The following SMC2 variants were observed in gnomAD, a reference collection of about 807,000 sequenced individuals.
SMC2 encodes structural maintenance of chromosomes 2, also known as structural maintenance of chromosomes protein 2.
SMC2 carries 41 observed loss-of-function variants against 142.6 expected under a neutral mutation model. The observed-to-expected ratio is 0.29, with a 90% CI of 0.22 to 0.37. The LOEUF is 0.37. Ranked by LOEUF, SMC2 falls within the 10% of genes least tolerant of loss-of-function variation. The probability of loss-of-function intolerance (pLI) is 1.00; values close to 1 mark genes in which losing one functional copy is unlikely to be tolerated. For missense variants in SMC2, 1,265 were observed against 1,373.7 expected (o/e 0.92, Z 1.25); for synonymous variants, 463 against 457.5 (o/e 1.01, Z -0.15).
In SMC2 at chr9:104,126,760, G is replaced by T; in HGVS notation, c.2571G>T (p.Met857Ile). The T allele has an allele frequency of 6.3e-7, 1 of 1,598,768 alleles. No homozygotes were observed. The highest frequency in any genetic ancestry group is 8.5e-7 in the Non-Finnish European group (1 of 1,176,266). Residue 857 changes from methionine to isoleucine, a missense_variant, in exon 19 of 25, where the codon ATG (methionine) becomes ATT (isoleucine). Met to Ile is a conservative substitution (Grantham distance 10). Coordinates refer to ENST00000374793, the MANE Select transcript of SMC2 (RefSeq NM_006444.3). Reference sequence around the variant, plus strand: ...CCTATGAAAGTCAGATTGAAGTAATGGCAGCTGAGGTGGCTAAAAATAAGG... The same window carrying T: ...CCTATGAAAGTCAGATTGAAGTAATTGCAGCTGAGGTGGCTAAAAATAAGG... ...IKSYESQIEV[M>I]AAEVAKNKES...
intron 3 of SMC2, among the ~76,000 whole-genome samples, chr9:104,096,752 C>T (rs1255689516): frequency 6.6e-6 from 1 of 152,216 alleles, no homozygotes. Flanking sequence ...TTATTCCCTA[C>T]TTCAGTGTTT....
rs1235078705 is a variant in SMC2 at position 104,096,175 on chromosome 9, G to A, written c.196G>A (p.Val66Ile). 4 of 1,613,400 alleles carry A rather than the reference G, an allele frequency of 2.5e-6. No homozygotes were observed. The highest frequency in any genetic ancestry group is 2.5e-6 in the Non-Finnish European group (3 of 1,179,826). Reference sequence around the variant, plus strand: ...TCGGGCTTCTAATTTACAAGATTTAGTTTACAAAAATGGGCAGGCTGGTAT... The same window carrying A: ...TCGGGCTTCTAATTTACAAGATTTAATTTACAAAAATGGGCAGGCTGGTAT... ...QVRASNLQDL[V>I]YKNGQAGITK... The change falls in exon 3 of 25, where the codon GTT becomes ATT. Residue 66 changes from valine (V) to isoleucine (I), a missense_variant. Around this residue, in one of 4 missense-constraint regions of SMC2, gnomAD observed 168 missense variants for 184.8 expected, o/e 0.91. Transcript: ENST00000374793.
At chr9:104,125,500 A>G (rs939940752) in intron 18 of SMC2, among the ~76,000 whole-genome samples, 5 of 152,184 alleles carry the variant, frequency 3.3e-5, no homozygotes, top group South Asian at 2.1e-4. Flanking sequence ...AAACCCTGCA[A>G]TCGAGTGTTT....
Position 104,124,824 on chromosome 9 carries a change from T to A in SMC2, c.2258-88T>A, listed in dbSNP as rs1411185410. 3 of 1,002,604 alleles carry A rather than the reference T, an allele frequency of 3.0e-6. No homozygotes were observed. The African/African-American group carries it at 5.0e-5, about 17-fold the overall frequency. The allele number at this position is 1,002,604 out of a possible 1,614,324, so 62.1% of individuals were successfully genotyped here. On this transcript the variant is annotated intron_variant, in intron 17 of 24. Coordinates refer to ENST00000374793, the MANE Select transcript of SMC2 (RefSeq NM_006444.3). ...AATTTTCTTAAATTGTACCCTGTAA[T>A]TTTCCAAACCATTTCTTCTATTAAA...
chr9:104,121,112 T>A (rs552169379), intron 16 of SMC2, among the ~76,000 whole-genome samples: 3 of 136,988 alleles, frequency 2.2e-5, no homozygotes, highest in Non-Finnish European at 4.5e-5. Context: ...GTGAGTGAAC[T>A]GGCTCTGTGG....
At chr9:104,109,357 C>G (rs1037845834) in intron 9 of SMC2, among the ~76,000 whole-genome samples, 1 of 152,138 alleles carries the variant, frequency 6.6e-6, no homozygotes, top group African/African-American at 2.4e-5. Flanking sequence ...TCCAGTCTAT[C>G]AACAAATTCT....
chr9:104,124,772 C>A, intron 17 of SMC2, 140 bp from the exon 18 acceptor site: 2 of 581,868 alleles, frequency 3.4e-6, no homozygotes, highest in Non-Finnish European at 5.9e-6. Flanking sequence ...TTCATTATAC[C>A]ATTTCTAGAA....
intron 14 of SMC2, 62 bp from the exon 15 acceptor site, chr9:104,118,109 A>AAATC (rs2131431875): frequency 7.5e-7 from 1 of 1,334,050 alleles, no homozygotes; most frequent in East Asian, 2.4e-5. Flanking sequence ...CTGGTTTATA[A>AAATC]AATCATATCT....
chr9:104,116,189 G>C lies in SMC2; in HGVS notation c.1672-11G>C, dbSNP rs371930781. ...TAACATGCGTTTTTTAAATTCAAAT[G>C]TGTGTTGTAGGTTACTGGTAAAAAG... On this transcript the variant is annotated splice_polypyrimidine_tract_variant and intron_variant, in intron 13 of 24. Transcript: ENST00000374793. 9 of 1,565,984 alleles carry C rather than the reference G, an allele frequency of 5.7e-6. No individual in the cohort carries two copies. Among genetic ancestry groups the C allele is most frequent in the Non-Finnish European group, 6.9e-6 (8 of 1,162,700 alleles).
At chr9:104,121,956 C>T (rs956377723) in intron 16 of SMC2, among the ~76,000 whole-genome samples, 6 of 152,082 alleles carry the variant, frequency 3.9e-5, no homozygotes, top group African/African-American at 1.4e-4. Context: ...AGTTTCACCA[C>T]GTTGGCCAGG....
At chr9:104,092,911 T>TGAC (rs1830047057), upstream of SMC2, 1 of 152,156 alleles carries the variant, frequency 6.6e-6, no homozygotes, top group Non-Finnish European at 1.5e-5. Context: ...TTTTAGCAAG[T>TGAC]GGCATCTTGG....
At chr9:104,123,417 A>T (rs901451384) in intron 17 of SMC2, among the ~76,000 whole-genome samples, 185 bp downstream of exon 17, 1 of 152,158 alleles carries the variant, frequency 6.6e-6, no homozygotes, top group Non-Finnish European at 1.5e-5. Flanking sequence ...ATATCGTCAA[A>T]GGTCTGTTCG....
At chr9:104,098,295 A>T (rs1830688445) in intron 3 of SMC2, 151 bp from the exon 4 acceptor site, 2 of 558,458 alleles carry the variant, frequency 3.6e-6, no homozygotes, top group Admixed American at 4.3e-5. Context: ...AGCGTTTTTG[A>T]CCATGTCATA....
At chr9:104,113,847 C>A in intron 11 of SMC2, 117 bp from the exon 12 acceptor site, 1 of 636,724 alleles carries the variant, frequency 1.6e-6, no homozygotes, top group Non-Finnish European at 2.7e-6. Context: ...TTTTTTAATA[C>A]TTACAGAAAT....
intron 1 of SMC2, chr9:104,094,709 A>C: frequency 3.0e-6 from 1 of 338,672 alleles, no homozygotes; most frequent in Non-Finnish European, 5.3e-6. Context: ...AAAAGCAAGA[A>C]GTTGGAGAAT....
intron 20 of SMC2, among the ~76,000 whole-genome samples, chr9:104,128,251 A>G (rs530588900): frequency 2.3e-4 from 35 of 152,200 alleles, no homozygotes; most frequent in Non-Finnish European, 4.0e-4. Flanking sequence ...TTCTGAAAGA[A>G]CTGTGGAACT....
intron 19 of SMC2, 58 bp downstream of exon 19, chr9:104,126,842 T>A: frequency 6.8e-7 from 1 of 1,459,968 alleles, no homozygotes; most frequent in Non-Finnish European, 9.3e-7. Flanking sequence ...TATGAAACAT[T>A]AGCTTAAGAT....
At chr9:104,119,435 T>C (rs151175673) in intron 15 of SMC2, among the ~76,000 whole-genome samples, 293 of 152,296 alleles carry the variant, frequency 1.9e-3, no homozygotes, top group African/African-American at 6.5e-3. Flanking sequence ...CAGATAGTTA[T>C]AGTTGCATAA....
intron 21 of SMC2, among the ~76,000 whole-genome samples, chr9:104,131,520 AAAGT>A (rs1240664659): frequency 3.3e-5 from 5 of 152,182 alleles, no homozygotes; most frequent in Non-Finnish European, 5.9e-5. Flanking sequence ...AAATTAAAAA[AAAGT>A]AAGGTCCAAT....
Sources: allele counts gnomAD v4.1 joint callset (sites outside exome capture counted in the v4.1 genomes callset), GRCh38; gene constraint gnomAD v4.1.1; regional missense constraint gnomAD v4.1.1; transcripts MANE v1.5; gene names NCBI Gene and HGNC (gene_info 2026-07-23, HGNC 2026-07-21).